The following SV2C variants were observed in gnomAD, a reference collection of about 807,000 sequenced individuals.
SV2C encodes the protein solute carrier family 22 member B3.
SV2C carries 49 observed loss-of-function variants against 79.7 expected under a neutral mutation model. The ratio of observed to expected loss-of-function variants is 0.61; its 90% CI spans 0.49 to 0.78. The LOEUF (loss-of-function observed/expected upper bound fraction) is 0.78. Ranked by LOEUF, SV2C falls within the 30% of genes least tolerant of loss-of-function variation. The pLI is 0.00. For synonymous variants in SV2C, 334 were observed against 333.2 expected (o/e 1.00, Z -0.03); for missense variants, 833 against 912.9 (o/e 0.91, Z 1.13).
intron 1 of SV2C, among the ~76,000 whole-genome samples, chr5:76,119,460 C>T (rs957740559): frequency 6.6e-6 from 1 of 152,100 alleles, no homozygotes; most frequent in Non-Finnish European, 1.5e-5. Context: ...ATGACCAGGA[C>T]ATAAACATAG....
At chr5:75,957,098 C>T in the SV2C span, among the ~76,000 whole-genome samples, 2 of 151,898 alleles carry the variant, frequency 1.3e-5, no homozygotes, top group Non-Finnish European at 2.9e-5. Context: ...ATATACTTAG[C>T]AGCTGGCAGA....
chr5:76,285,436 G>GGAGAC, intron 5 of SV2C, 141 bp downstream of exon 5: 1 of 1,243,938 alleles, frequency 8.0e-7, no homozygotes, highest in Non-Finnish European at 1.1e-6. Context: ...TTGGTTTCAT[G>GGAGAC]GAGACCTGCT....
chr5:76,188,787 A>G (rs1300038786), intron 2 of SV2C, among the ~76,000 whole-genome samples: 1 of 149,772 alleles, frequency 6.7e-6, no homozygotes, highest in African/African-American at 2.4e-5. Context: ...CCTACTTAGC[A>G]TCTTGGGTGG....
the SV2C span, chr5:75,910,736 A>T: frequency 1.5e-6 from 2 of 1,373,548 alleles, no homozygotes; most frequent in East Asian, 2.3e-5. Flanking sequence ...TGAAGATCTG[A>T]ACCAAAAACT....
chr5:76,081,628 T>C (rs1321224602), upstream of SV2C, among the ~76,000 whole-genome samples: 1 of 152,196 alleles, frequency 6.6e-6, no homozygotes, highest in Non-Finnish European at 1.5e-5. Flanking sequence ...GACCATCTCA[T>C]AGCACCATGG....
intron 4 of SV2C, among the ~76,000 whole-genome samples, chr5:76,210,813 A>G (rs1744746601): frequency 6.6e-6 from 1 of 152,198 alleles, no homozygotes; most frequent in Non-Finnish European, 1.5e-5. Flanking sequence ...TGCTCCTATT[A>G]CCCAGGAAAT....
chr5:76,186,972 G>C (rs1352960058), intron 2 of SV2C, among the ~76,000 whole-genome samples: 12 of 152,048 alleles, frequency 7.9e-5, no homozygotes, highest in Non-Finnish European at 1.5e-4. Context: ...ATTTGGGTGG[G>C]GACACAGAGC....
the SV2C span, chr5:75,910,555 C>G: frequency 4.5e-6 from 3 of 664,452 alleles, no homozygotes; most frequent in Non-Finnish European, 8.2e-6. Context: ...CTTTGGTTTA[C>G]TACTTCACCC....
the SV2C span, among the ~76,000 whole-genome samples, chr5:75,961,637 TA>T: frequency 6.6e-6 from 1 of 152,010 alleles, no homozygotes; most frequent in African/African-American, 2.4e-5. Flanking sequence ...TTTAAAATTT[TA>T]ATTACATACC....
At chr5:76,108,161 G>A (rs1024325170) in intron 1 of SV2C, among the ~76,000 whole-genome samples, 1 of 152,146 alleles carries the variant, frequency 6.6e-6, no homozygotes, top group African/African-American at 2.4e-5. Flanking sequence ...AGAGAGTGGG[G>A]AATCAACAAA....
At chr5:76,257,616 G>A (rs1010342862) in intron 4 of SV2C, among the ~76,000 whole-genome samples, 1 of 150,996 alleles carries the variant, frequency 6.6e-6, no homozygotes, top group African/African-American at 2.4e-5. Flanking sequence ...TCAGCAGATG[G>A]TAGTGTGTGT....
At chr5:76,223,469 A>ATATG (rs1361904379) in intron 4 of SV2C, among the ~76,000 whole-genome samples, 3 of 75,310 alleles carry the variant, frequency 4.0e-5, no homozygotes, top group Non-Finnish European at 7.1e-5. Flanking sequence ...ATATATATAT[A>ATATG]TATATATATA....
the SV2C span, among the ~76,000 whole-genome samples, chr5:76,016,214 T>C: frequency 5.0e-4 from 55 of 110,814 alleles, no homozygotes; most frequent in African/African-American, 1.8e-3. Flanking sequence ...AAAATTCCAG[T>C]GCAGCAGAAA....
chr5:76,302,630 CAAAAAAA>C (rs60732488), intron 12 of SV2C, among the ~76,000 whole-genome samples: 10 of 68,866 alleles, frequency 1.5e-4, no homozygotes, highest in East Asian at 3.8e-4. Flanking sequence ...GACTCCATCT[CAAAAAAA>C]AAAAAAAAAA....
intron 12 of SV2C, among the ~76,000 whole-genome samples, chr5:76,310,543 T>C (rs748402025): frequency 7.9e-5 from 12 of 152,176 alleles, no homozygotes; most frequent in Non-Finnish European, 1.6e-4. Context: ...GTCTTCTTGC[T>C]GAGTAAAATG....
chr5:76,183,979 A>C (rs1743830249), intron 2 of SV2C, among the ~76,000 whole-genome samples: 2 of 152,120 alleles, frequency 1.3e-5, no homozygotes, highest in African/African-American at 4.8e-5. Flanking sequence ...TTCTGTGGTA[A>C]TTACTTTTTG....
chr5:76,032,414 C>A, the SV2C span, among the ~76,000 whole-genome samples: 11 of 152,078 alleles, frequency 7.2e-5, no homozygotes, highest in Non-Finnish European at 1.5e-4. Flanking sequence ...GACCCCACAA[C>A]AGTTCCCAGA....
chr5:75,883,854 A>AAC, the SV2C span, among the ~76,000 whole-genome samples: 6 of 145,984 alleles, frequency 4.1e-5, no homozygotes, highest in African/African-American at 1.7e-4. Context: ...TAAAAAAAAA[A>AAC]CAAAAAAAAA....
the SV2C span, among the ~76,000 whole-genome samples, chr5:75,974,269 G>A: frequency 1.3e-5 from 2 of 151,922 alleles, no homozygotes; most frequent in African/African-American, 2.4e-5. Flanking sequence ...TGGAACCATC[G>A]AATCTACCTT....
Sources: allele counts gnomAD v4.1 joint callset (sites outside exome capture counted in the v4.1 genomes callset), GRCh38; gene constraint gnomAD v4.1.1; transcripts MANE v1.5; gene names NCBI Gene and HGNC (gene_info 2026-07-23, HGNC 2026-07-21).